The following IPCEF1 variants were observed in gnomAD, a reference collection of about 807,000 sequenced individuals.
The protein encoded by IPCEF1 is interactor protein for cytohesin exchange factors 1.
In IPCEF1, 31 loss-of-function variants were observed where a neutral mutation model predicts 50.9. That is an observed-to-expected ratio of 0.61 (90% confidence interval 0.46 to 0.82). The LOEUF (loss-of-function observed/expected upper bound fraction) is 0.82. IPCEF1 is among the 40% of genes least tolerant of loss of function. The pLI is 0.00. For synonymous variants in IPCEF1, 181 were observed against 192.0 expected (o/e 0.94, Z 0.47); for missense variants, 458 against 514.0 (o/e 0.89, Z 1.05).
At chr6:154,321,136 G>T (rs1357692202) in intron 1 of IPCEF1, among the ~76,000 whole-genome samples, 1 of 151,490 alleles carries the variant, frequency 6.6e-6, no homozygotes, top group African/African-American at 2.4e-5. Flanking sequence ...TCTCTGTGTT[G>T]CCCAGGCTAG....
chr6:154,328,783 G>T (rs923959038), intron 1 of IPCEF1, among the ~76,000 whole-genome samples: 2 of 152,046 alleles, frequency 1.3e-5, no homozygotes, highest in African/African-American at 4.8e-5. Flanking sequence ...GAAGTCAATG[G>T]TTCCTATTCT....
At chr6:154,170,807 T>G (rs1237200510) in intron 10 of IPCEF1, among the ~76,000 whole-genome samples, 1 of 152,148 alleles carries the variant, frequency 6.6e-6, no homozygotes. Flanking sequence ...TGGATGAGGA[T>G]GTGGATAAAT....
chr6:154,268,257 A>C (rs9479806), intron 2 of IPCEF1, among the ~76,000 whole-genome samples: 1 of 152,054 alleles, frequency 6.6e-6, no homozygotes, highest in Admixed American at 6.5e-5. Flanking sequence ...CAGGCCCCCA[A>C]GAGTGCAGTG....
At chr6:154,169,001 C>G (rs1222337523) in intron 10 of IPCEF1, among the ~76,000 whole-genome samples, 2 of 152,056 alleles carry the variant, frequency 1.3e-5, no homozygotes, top group African/African-American at 4.8e-5. Flanking sequence ...ATATATTCAC[C>G]TCATCCCAAC....
intron 2 of IPCEF1, among the ~76,000 whole-genome samples, chr6:154,284,772 C>T (rs1052320144): frequency 1.3e-5 from 2 of 152,070 alleles, no homozygotes; most frequent in South Asian, 2.1e-4. Flanking sequence ...GAGGCCGAGG[C>T]GGGTGGACCA....
intron 1 of IPCEF1, among the ~76,000 whole-genome samples, chr6:154,355,191 G>A (rs965867877): frequency 2.0e-5 from 3 of 152,180 alleles, no homozygotes; most frequent in African/African-American, 4.8e-5. Context: ...AGGCAATAGT[G>A]ATGAAGTAAT....
intron 1 of IPCEF1, among the ~76,000 whole-genome samples, chr6:154,323,149 G>A (rs1250349660): frequency 6.6e-6 from 1 of 152,020 alleles, no homozygotes; most frequent in Non-Finnish European, 1.5e-5. Context: ...CCAACTCCCA[G>A]CATCTGAGTC....
intron 2 of IPCEF1, among the ~76,000 whole-genome samples, chr6:154,269,881 A>G (rs747549718): frequency 1.3e-4 from 20 of 152,246 alleles, no homozygotes; most frequent in Non-Finnish European, 2.8e-4. Flanking sequence ...CAGGTTAACC[A>G]GAAACACATG....
At chr6:154,301,636 C>A (rs1006540751) in intron 1 of IPCEF1, among the ~76,000 whole-genome samples, 1 of 152,060 alleles carries the variant, frequency 6.6e-6, no homozygotes, top group African/African-American at 2.4e-5. Context: ...ACTCTATATT[C>A]CAGAGTTATT....
chr6:154,277,846 T>A (rs1413625468), intron 2 of IPCEF1, among the ~76,000 whole-genome samples: 1 of 152,186 alleles, frequency 6.6e-6, no homozygotes, highest in Non-Finnish European at 1.5e-5. Context: ...TGCTTTTAAC[T>A]AGGTAAAGCC....
In IPCEF1 at chr6:154,241,894, T is replaced by A. The variant is rs78562610; in HGVS notation, c.246+4697A>T. ...GTCTCAGTCCCCCATTCACTGGCCC[T>A]AAGTCACCTCTAAATGGAGAAGCTA... On this transcript the variant is annotated intron_variant, in intron 5 of 11. Transcript: ENST00000367220. Among the ~76,000 whole-genome samples the A allele has an allele frequency of 4.7e-3, 714 of 152,304 alleles. 3 individuals carry two copies. The highest frequency in any genetic ancestry group is 0.01 in the Middle Eastern group (3 of 294).
intron 5 of IPCEF1, among the ~76,000 whole-genome samples, chr6:154,239,518 T>G (rs538033916): frequency 6.6e-6 from 1 of 152,354 alleles, no homozygotes; most frequent in South Asian, 2.1e-4. Context: ...TTTTTACCCC[T>G]TTGATCCATG....
At chr6:154,171,436 A>C (rs543746973) in intron 10 of IPCEF1, among the ~76,000 whole-genome samples, 1 of 152,242 alleles carries the variant, frequency 6.6e-6, no homozygotes, top group African/African-American at 2.4e-5. Flanking sequence ...AGAGACAGAA[A>C]CCAGAATAAT....
At chr6:154,354,437 T>TCTCCTCCACCACCACCTCCACCAC (rs1784174133) in intron 1 of IPCEF1, among the ~76,000 whole-genome samples, 1 of 135,070 alleles carries the variant, frequency 7.4e-6, no homozygotes, top group Non-Finnish European at 1.6e-5. Context: ...ACCTCCACCA[T>TCTCCTCCACCACCACCTCCACCAC]CTCCTCCACC....
chr6:154,253,161 T>A (rs539195150), intron 3 of IPCEF1, among the ~76,000 whole-genome samples: 154 of 152,280 alleles, frequency 1.0e-3, no homozygotes, highest in African/African-American at 3.6e-3. Flanking sequence ...TTACACTAAC[T>A]TGAATGTGAT....
At chr6:154,327,331 A>G (rs530900581) in intron 1 of IPCEF1, among the ~76,000 whole-genome samples, 3 of 152,338 alleles carry the variant, frequency 2.0e-5, no homozygotes, top group African/African-American at 7.2e-5. Context: ...CAAAGGTCTA[A>G]TATCCAGAGT....
intron 1 of IPCEF1, among the ~76,000 whole-genome samples, chr6:154,322,933 CTCAT>C (rs1385201971): frequency 6.6e-6 from 1 of 152,012 alleles, no homozygotes; most frequent in Non-Finnish European, 1.5e-5. Context: ...TACTTGAAAT[CTCAT>C]TCAAACAAAT....
chr6:154,348,482 C>T (rs1326020513), intron 1 of IPCEF1, among the ~76,000 whole-genome samples: 1 of 152,132 alleles, frequency 6.6e-6, no homozygotes, highest in African/African-American at 2.4e-5. Context: ...TGATCTTGTC[C>T]ATTTAATTGC....
chr6:154,269,098 T>A (rs893856299), intron 2 of IPCEF1, among the ~76,000 whole-genome samples: 5 of 152,210 alleles, frequency 3.3e-5, no homozygotes, highest in Non-Finnish European at 7.3e-5. Context: ...TGCTGTGTCC[T>A]CAGTCTCTGT....
Sources: gnomAD v4.1 joint callset for allele counts (sites outside exome capture counted in the v4.1 genomes callset) on GRCh38, gnomAD v4.1.1 for gene constraint, MANE v1.5 for transcripts, NCBI Gene and HGNC (gene_info 2026-07-23, HGNC 2026-07-21) for gene names.